SLC22A24: variants seen among roughly 807,000 people sequenced by gnomAD.
SLC22A24 encodes the protein solute carrier family 22 member 24, also known as steroid transmembrane transporter SLC22A24.
In SLC22A24, 53 loss-of-function variants were observed where a neutral mutation model predicts 49.8. The ratio of observed to expected loss-of-function variants is 1.06; its 90% confidence interval spans 0.85 to 1.34. The LOEUF is 1.34. SLC22A24 is among the 40% of genes most tolerant of loss of function. The pLI is 0.00. For synonymous variants in SLC22A24, 302 were observed against 256.4 expected, an observed-to-expected ratio of 1.18 and a Z score of -1.70; for missense variants, 786 against 675.9, an observed-to-expected ratio of 1.16 and a Z score of -1.81.
intron 5 of SLC22A24, among the ~76,000 whole-genome samples, chr11:63,099,768 G>T (rs1032121894): frequency 6.6e-6 from 1 of 151,934 alleles, no homozygotes; most frequent in East Asian, 1.9e-4. Flanking sequence ...AGGATGGTTC[G>T]ACATATGCAA....
At chr11:63,113,866 A>G (rs2087193665) in intron 4 of SLC22A24, among the ~76,000 whole-genome samples, 1 of 151,660 alleles carries the variant, frequency 6.6e-6, no homozygotes, top group African/African-American at 2.4e-5. Flanking sequence ...AAAAAAAAAA[A>G]AAAAAGGAAT....
rs1565321259 is a variant in SLC22A24 at position 63,081,571 on chromosome 11, G to C, written c.1381C>G (p.Pro461Ala). ...TAGCTCTTGTACCTCAATATGGTGG[G>C]GACGAGCTCGTTGTGGTGGACAGAA... ...SASVHHNELV[P>A]TILRSTVAGI... The change falls in exon 8 of 10, where the codon CCC (proline) becomes GCC (alanine). Residue 461 changes from proline to alanine, a missense_variant. Physicochemically the swap from Pro to Ala is conservative, Grantham distance 27. Transcript: ENST00000612278. The C allele has an allele frequency of 2.6e-6, 4 of 1,550,454 alleles. No individual in the cohort carries two copies. The highest frequency in any genetic ancestry group is 2.7e-5 in the African/African-American group (2 of 72,986).
chr11:63,095,196 G>C (rs1277079752), intron 6 of SLC22A24, among the ~76,000 whole-genome samples: 1 of 152,020 alleles, frequency 6.6e-6, no homozygotes, highest in Non-Finnish European at 1.5e-5. Flanking sequence ...TTCTACATAT[G>C]GCTAGCCAGT....
At chr11:63,095,421 G>T (rs143393924) in intron 6 of SLC22A24, among the ~76,000 whole-genome samples, 4 of 152,228 alleles carry the variant, frequency 2.6e-5, no homozygotes, top group Non-Finnish European at 5.9e-5. Flanking sequence ...TGTTATGCAA[G>T]ACAAAATGAA....
chr11:63,131,869 A>G lies in SLC22A24; in HGVS notation c.506+2796T>C, dbSNP rs539336584. ...AGCTCTCCTGGATAACATCCTGAAG[A>G]GTATCTTCTAACTTGGTTCCATTTT... On this transcript the variant is annotated intron_variant, in intron 2 of 9. Transcript: ENST00000612278. Among the ~76,000 whole-genome samples the G allele has an allele frequency of 2.7e-4, 41 of 152,314 alleles. No homozygotes were observed. The South Asian group carries it at 8.5e-3, about 32-fold the overall frequency.
In SLC22A24 at chr11:63,090,702, T is replaced by TAAA. The variant is rs370751523; in HGVS notation, c.1070+5286_1070+5288dup. 1.3e-4 allele frequency among the ~76,000 whole-genome samples: 18 copies of TAAA among 143,246 alleles called. No homozygotes were observed. In the South Asian group the frequency reaches 1.3e-3, roughly 10 times the overall value. 94.0% of individuals were successfully genotyped at this position (143,246 alleles called of 152,430 possible). On this transcript the variant is annotated intron_variant, in intron 6 of 9. Transcript: ENST00000612278. ...ATAAATAAATAAATAATAGCTATCTTAAAAAAAAAAGAAGTTATTTGAAAC... is the reference window on the plus strand; with the variant it reads ...ATAAATAAATAAATAATAGCTATCTTAAAAAAAAAAAAAGAAGTTATTTGAAAC...
In SLC22A24 at chr11:63,125,916, G is replaced by C. The variant is rs150566575; in HGVS notation, c.507-6581C>G. Among the ~76,000 whole-genome samples the C allele has an allele frequency of 3.4e-3, 514 of 152,290 alleles. 2 individuals carry two copies. Among genetic ancestry groups the C allele is most frequent in the African/African-American group, 0.012 (497 of 41,558 alleles). On this transcript the variant is annotated intron_variant, in intron 2 of 9. Transcript: ENST00000612278. ...CATTTCTCTGATGACTGGTGATGAT[G>C]AGCATTTTTTCCTATGTTGGTTGGC... is the stretch of plus-strand genomic sequence containing the variant.
chr11:63,081,183 A>G lies in SLC22A24; in HGVS notation c.1395-60T>C, dbSNP rs934025791. 5.8e-6 allele frequency: 8 copies of G among 1,387,154 alleles called. No individual in the cohort carries two copies. In the South Asian group the frequency reaches 7.6e-5, roughly 13 times the overall value. 85.9% of individuals were successfully genotyped at this position (1,387,154 alleles called of 1,614,324 possible). A position where few individuals can be genotyped will look rare whatever the true frequency, so the allele number is the denominator to read the frequency against. On this transcript the variant is annotated intron_variant, in intron 8 of 9. Transcript: ENST00000612278. The stretch of plus-strand genomic sequence containing the variant: ...ATGAATCTGTACATGTCAGCTCTTT[A>G]TCATCATTATTTCTTTATGGGGACC...
intron 1 of SLC22A24, among the ~76,000 whole-genome samples, chr11:63,136,168 T>G (rs886771800): frequency 1.3e-5 from 2 of 152,334 alleles, no homozygotes; most frequent in South Asian, 2.1e-4. Flanking sequence ...GTAGATTTTA[T>G]ATGACAACTG....
chr11:63,110,389 T>C (rs1453558650), intron 4 of SLC22A24, among the ~76,000 whole-genome samples: 3 of 152,032 alleles, frequency 2.0e-5, no homozygotes, highest in Non-Finnish European at 4.4e-5. Flanking sequence ...GTGAAGAAAG[T>C]CATTGGTAGC....
At chr11:63,106,490 T>C (rs889522903) in intron 4 of SLC22A24, among the ~76,000 whole-genome samples, 7 of 152,008 alleles carry the variant, frequency 4.6e-5, no homozygotes, top group Non-Finnish European at 8.8e-5. Flanking sequence ...TAGTTCTAGA[T>C]CCCTGAGGAA....
At chr11:63,103,098 C>T (rs1332142346) in intron 5 of SLC22A24, among the ~76,000 whole-genome samples, 2 of 152,098 alleles carry the variant, frequency 1.3e-5, no homozygotes, top group African/African-American at 4.8e-5. Flanking sequence ...AGACATTGTA[C>T]ATGTGTTAAT....
At chr11:63,093,011 C>T (rs2087030325) in intron 6 of SLC22A24, among the ~76,000 whole-genome samples, 1 of 151,872 alleles carries the variant, frequency 6.6e-6, no homozygotes, top group Non-Finnish European at 1.5e-5. Flanking sequence ...ACAAACAACC[C>T]CATCAAAAAG....
intron 6 of SLC22A24, among the ~76,000 whole-genome samples, chr11:63,088,044 G>A (rs1011700050): frequency 5.3e-5 from 8 of 152,216 alleles, no homozygotes; most frequent in African/African-American, 1.2e-4. Flanking sequence ...CCTGACAAGA[G>A]TGATTCTCCC....
chr11:63,117,086 A>G (rs1240047080), intron 4 of SLC22A24, among the ~76,000 whole-genome samples: 1 of 152,152 alleles, frequency 6.6e-6, no homozygotes, highest in African/African-American at 2.4e-5. Context: ...TGTCAGGTAT[A>G]GTTTGTACTG....
intron 1 of SLC22A24, among the ~76,000 whole-genome samples, chr11:63,140,008 T>A (rs530825561): frequency 1.8e-4 from 28 of 152,212 alleles, no homozygotes; most frequent in African/African-American, 6.7e-4. Context: ...AATAGAAACT[T>A]TAATGACTTT....
rs985212876 is a variant in SLC22A24 at position 63,143,900 on chromosome 11, T to G, written c.-121A>C. On this transcript the variant is annotated 5_prime_UTR_variant, in exon 1 of 10. Transcript: ENST00000612278. ...TGCCATGTGGATCCTGACACTGCTT[T>G]CTTCTTGGTGGGCCCTGCACTGAGT... 7.3e-6 allele frequency: 6 copies of G among 824,978 alleles called. No individual in the cohort carries two copies. In the African/African-American group the frequency reaches 1.1e-4, roughly 15 times the overall value. The allele number at this position is 824,978 out of a possible 1,614,324, so 51.1% of individuals were successfully genotyped here.
rs754245809 is a variant in SLC22A24, at chr11:63,096,031, G to T, written c.1030C>A (p.Pro344Thr). The T allele has an allele frequency of 3.8e-5, 59 of 1,550,770 alleles. No individual in the cohort carries two copies. The highest frequency in any genetic ancestry group is 1.2e-4 in the Admixed American group (6 of 50,922). ...CCGAAGACTCTCATTCGCAATTTGG[G>T]TGCACGGAACAGGGAAAAAATGGAT... ...KTSIFSLFRA[P>T]KLRMRVFGLC... The change falls in exon 6 of 10, where the codon CCC becomes ACC. Residue 344 changes from proline to threonine, a missense_variant. Coordinates refer to ENST00000612278, the MANE Select transcript of SLC22A24 (RefSeq NM_001136506.2).
At chr11:63,092,433 G>C (rs908971096) in intron 6 of SLC22A24, among the ~76,000 whole-genome samples, 3 of 145,866 alleles carry the variant, frequency 2.1e-5, no homozygotes, top group African/African-American at 7.5e-5. Context: ...AAAGGACACT[G>C]TATAGCCAAG....
Sources: gnomAD v4.1 joint callset for allele counts (sites outside exome capture counted in the v4.1 genomes callset) on GRCh38, gnomAD v4.1.1 for gene constraint, MANE v1.5 for transcripts, NCBI Gene and HGNC (gene_info 2026-07-23, HGNC 2026-07-21) for gene names.